The following SDCBP variants were observed in gnomAD, a reference collection of about 807,000 sequenced individuals.
SDCBP encodes syntenin-1.
A neutral mutation model predicts 30.5 loss-of-function variants in SDCBP; 22 were observed. The observed-to-expected ratio is 0.72, with a 90% CI of 0.52 to 1.03. SDCBP has a LOEUF of 1.03. Among genes scored for constraint, SDCBP ranks in the 50% least tolerant of loss-of-function variants. The probability of loss-of-function intolerance (pLI) is 0.00; values close to 1 mark genes in which losing one functional copy is unlikely to be tolerated. For synonymous variants in SDCBP, 103 were observed against 118.7 expected, an observed-to-expected ratio of 0.87 and a Z score of 0.86; for missense variants, 304 against 369.9, an observed-to-expected ratio of 0.82 and a Z score of 1.46.
chr8:58,580,547 T>A lies in SDCBP; in HGVS notation c.781T>A (p.Ser261Thr). ...DSQIADILST[S>T]GTVVTITIMP... Reference sequence around the variant, plus strand: ...TCAAATTGCAGACATACTGTCAACATCTGGGACTGTAGTTACTATTACAAT... The same window carrying A: ...TCAAATTGCAGACATACTGTCAACAACTGGGACTGTAGTTACTATTACAAT... The change falls in exon 8 of 9, where the codon TCT becomes ACT. Residue 261 changes from serine (S) to threonine (T), a missense_variant. Ser to Thr is a moderately conservative substitution (Grantham distance 58, BLOSUM62 1). Coordinates refer to ENST00000260130, the MANE Select transcript of SDCBP (RefSeq NM_005625.4). The A allele has an allele frequency of 6.3e-7, 1 of 1,593,254 alleles. No individual in the cohort carries two copies. Among genetic ancestry groups the A allele is most frequent in the South Asian group, 1.1e-5 (1 of 90,678 alleles).
rs117089964 is a variant in SDCBP at position 58,582,260 on chromosome 8, T to G, written c.*520T>G. 362 of 153,172 alleles carry G rather than the reference T, an allele frequency of 2.4e-3. No homozygotes were observed. Among genetic ancestry groups the G allele is most frequent in the Non-Finnish European group, 4.0e-3 (272 of 68,434 alleles). The allele number at this position is 153,172 out of a possible 1,614,324, so 9.5% of individuals were successfully genotyped here. A position where few individuals can be genotyped will look rare whatever the true frequency, so the allele number is the denominator to read the frequency against. On this transcript the variant is annotated 3_prime_UTR_variant, in exon 9 of 9. Transcript: ENST00000260130. ...TTCATTCCATGTAAGCATTAAACAG[T>G]GTATGTAGGTTTCAAGAGATTGTGA...
chr8:58,579,330 A>G (rs945978283), intron 6 of SDCBP, among the ~76,000 whole-genome samples: 1 of 152,210 alleles, frequency 6.6e-6, no homozygotes, highest in Non-Finnish European at 1.5e-5. Context: ...TAATGCTGTA[A>G]AGTCTAATTA....
In SDCBP at chr8:58,580,561, T is replaced by G; in HGVS notation, c.795T>G (p.Val265=). The change falls in exon 8 of 9, where the codon GTT becomes GTG. Residue 265 remains valine, a synonymous_variant. Coordinates refer to ENST00000260130, the MANE Select transcript of SDCBP (RefSeq NM_005625.4). The part of the protein sequence containing the change: ...ADILSTSGTV[V]TITIMPAFIF... ...TACTGTCAACATCTGGGACTGTAGT[T>G]ACTATTACAATCATGCCTGCTTTTA... 6.3e-7 allele frequency: 1 copy of G among 1,597,108 alleles called. No individual in the cohort carries two copies. Among genetic ancestry groups the G allele is most frequent in the East Asian group, 2.2e-5 (1 of 44,674 alleles).
At chr8:58,576,091 G>A (rs1279195359) in intron 5 of SDCBP, 30 bp downstream of exon 5, 1 of 1,499,956 alleles carries the variant, frequency 6.7e-7, no homozygotes, top group Non-Finnish European at 9.2e-7. Flanking sequence ...ATTTGAATTT[G>A]TCTAAATCTC....
At chr8:58,567,308 A>T (rs1455446181) in intron 2 of SDCBP, among the ~76,000 whole-genome samples, 1 of 152,226 alleles carries the variant, frequency 6.6e-6, no homozygotes, top group Non-Finnish European at 1.5e-5. Context: ...CTTGGATTAA[A>T]AACAATAGCA....
At chr8:58,575,552 ACAT>A (rs1424239402) in intron 4 of SDCBP, among the ~76,000 whole-genome samples, 5 of 152,234 alleles carry the variant, frequency 3.3e-5, no homozygotes, top group Non-Finnish European at 5.9e-5. Context: ...AAAGATCGTG[ACAT>A]CATGAACCGT....
chr8:58,565,030 A>G lies in SDCBP; in HGVS notation c.-4A>G. The G allele has an allele frequency of 1.3e-6, 2 of 1,584,134 alleles. No individual in the cohort carries two copies. Among genetic ancestry groups the G allele is most frequent in the Admixed American group, 3.5e-5 (2 of 56,972 alleles). On this transcript the variant is annotated 5_prime_UTR_variant, in exon 2 of 9. Transcript: ENST00000260130. Reference sequence around the variant, plus strand: ...CTTTTTTTCTTTAGAAGAATCCTGCAAAAATGTCTCTCTATCCATCTCTCG... The same window carrying G: ...CTTTTTTTCTTTAGAAGAATCCTGCGAAAATGTCTCTCTATCCATCTCTCG...
intron 1 of SDCBP, among the ~76,000 whole-genome samples, chr8:58,555,599 G>A (rs538837373): frequency 2.0e-4 from 31 of 152,248 alleles, no homozygotes; most frequent in Non-Finnish European, 3.7e-4. Context: ...CTAGAGCCTC[G>A]GGTAATTTGG....
chr8:58,582,614 A>G lies in SDCBP; in HGVS notation c.*874A>G, dbSNP rs1296341833. On this transcript the variant is annotated 3_prime_UTR_variant, in exon 9 of 9. Transcript: ENST00000260130. ...TTACACTAAACAGGATAAACTTTTGACTCCCCTTTTGTTCATTTGTGGATT... is the reference window on the plus strand; with the variant it reads ...TTACACTAAACAGGATAAACTTTTGGCTCCCCTTTTGTTCATTTGTGGATT... 2 of 152,504 alleles carry G rather than the reference A, an allele frequency of 1.3e-5. No homozygotes were observed. The highest frequency in any genetic ancestry group is 4.8e-5 in the African/African-American group (2 of 41,418). 9.4% of individuals were successfully genotyped at this position (152,504 alleles called of 1,614,324 possible). A position where few individuals can be genotyped will look rare whatever the true frequency, so the allele number is the denominator to read the frequency against.
At chr8:58,564,100 C>G (rs1804579891) in intron 1 of SDCBP, among the ~76,000 whole-genome samples, 1 of 152,170 alleles carries the variant, frequency 6.6e-6, no homozygotes, top group Non-Finnish European at 1.5e-5. Flanking sequence ...CCAGTTGCCT[C>G]TACTGACAAG....
chr8:58,576,265 T>C (rs1464339874), intron 5 of SDCBP: 1 of 484,500 alleles, frequency 2.1e-6, no homozygotes, highest in African/African-American at 1.9e-5. Context: ...CCACATTACT[T>C]TGAAAGATGT....
At chr8:58,554,141 C>A (rs1043699331) in intron 1 of SDCBP, among the ~76,000 whole-genome samples, 6 of 152,168 alleles carry the variant, frequency 3.9e-5, no homozygotes, top group Non-Finnish European at 7.3e-5. Flanking sequence ...GTCTGTATAA[C>A]CACATACACA....
chr8:58,553,493 G>T (rs528043007), intron 1 of SDCBP, among the ~76,000 whole-genome samples, 190 bp downstream of exon 1: 2 of 152,058 alleles, frequency 1.3e-5, no homozygotes, highest in East Asian at 3.9e-4. Context: ...TGGCTGGGGG[G>T]GCAAGTTTGC....
Position 58,581,843 on chromosome 8 carries a change from C to G in SDCBP, c.*103C>G, listed in dbSNP as rs962349435. 56 of 866,872 alleles carry G rather than the reference C, an allele frequency of 6.5e-5. No homozygotes were observed. In the African/African-American group the frequency reaches 8.0e-4, roughly 12 times the overall value. The allele number at this position is 866,872 out of a possible 1,614,324, so 53.7% of individuals were successfully genotyped here. On this transcript the variant is annotated 3_prime_UTR_variant, in exon 9 of 9. Coordinates refer to ENST00000260130, the MANE Select transcript of SDCBP (RefSeq NM_005625.4). ...CCTTCCCGGAGCCAGCGAGCATATG[C>G]TGCATGAGGACCTTTCTATCTTACA...
In SDCBP at chr8:58,578,151, C is replaced by T. The variant is rs755236342; in HGVS notation, c.521C>T (p.Ala174Val). 1.9e-5 allele frequency: 31 copies of T among 1,607,804 alleles called. No individual in the cohort carries two copies. Among genetic ancestry groups the T allele is most frequent in the Admixed American group, 3.4e-5 (2 of 58,496 alleles). Residue 174 changes from alanine to valine, a missense_variant, in exon 6 of 9, where the codon GCG becomes GTG. Coordinates refer to ENST00000260130, the MANE Select transcript of SDCBP (RefSeq NM_005625.4). Reference sequence around the variant, plus strand: ...TGTGCAGGATGGAGCTCTGATAAAGCGCACAAGGTGCTCAAACAGGCTTTT... The same window carrying T: ...TGTGCAGGATGGAGCTCTGATAAAGTGCACAAGGTGCTCAAACAGGCTTTT... ...ENCAGWSSDK[A>V]HKVLKQAFGE...
chr8:58,557,819 T>G (rs1804230174), intron 1 of SDCBP, among the ~76,000 whole-genome samples: 1 of 152,178 alleles, frequency 6.6e-6, no homozygotes. Flanking sequence ...TCTTAGTGAT[T>G]ACTCAGCTCG....
rs377329296 is a variant in SDCBP at position 58,572,431 on chromosome 8, A to G, written c.240+117A>G. The G allele has an allele frequency of 1.8e-5, 11 of 624,724 alleles. No individual in the cohort carries two copies. In the African/African-American group the frequency reaches 1.9e-4, roughly 11 times the overall value. 38.7% of individuals were successfully genotyped at this position (624,724 alleles called of 1,614,324 possible). A position where few individuals can be genotyped will look rare whatever the true frequency, so the allele number is the denominator to read the frequency against. On this transcript the variant is annotated intron_variant, in intron 4 of 8. Transcript: ENST00000260130. ...CTACTAGCATTGAACCTCACTTCTC[A>G]GAAATTTTAGACTTCCTTTTGGATA...
chr8:58,580,657 A>G (rs1805641463), intron 8 of SDCBP, 49 bp downstream of exon 8: 2 of 937,862 alleles, frequency 2.1e-6, no homozygotes, highest in East Asian at 2.4e-5. Flanking sequence ...GTGACTTAAT[A>G]TAAGCACTAT....
At chr8:58,579,512 A>T in intron 6 of SDCBP, 111 bp from the exon 7 acceptor site, 1 of 751,710 alleles carries the variant, frequency 1.3e-6, no homozygotes, top group Non-Finnish European at 1.9e-6. Flanking sequence ...CTCTTATTAG[A>T]AACAGTGTTT....
Sources: gnomAD v4.1 joint callset for allele counts (sites outside exome capture counted in the v4.1 genomes callset) on GRCh38, gnomAD v4.1.1 for gene constraint, MANE v1.5 for transcripts, NCBI Gene and HGNC (gene_info 2026-07-23, HGNC 2026-07-21) for gene names.